Variants in KIAA0825 observed in about 807,000 individuals in gnomAD.
The protein encoded by KIAA0825 is uncharacterized protein KIAA0825.
Under a neutral mutation model 147.6 loss-of-function variants are expected in KIAA0825, and 119 were observed. That is an observed-to-expected ratio of 0.81 (90% CI 0.69 to 0.94). The LOEUF is 0.94. KIAA0825 is among the 40% of genes least tolerant of loss of function. KIAA0825 has a pLI of 0.00. For missense variants in KIAA0825, 1,381 were observed against 1,472.7 expected, an observed-to-expected ratio of 0.94 and a Z score of 1.02; for synonymous variants, 470 against 518.1, an observed-to-expected ratio of 0.91 and a Z score of 1.26.
chr5:94,182,930 C>T (rs912018705), intron 20 of KIAA0825, among the ~76,000 whole-genome samples: 3 of 152,134 alleles, frequency 2.0e-5, no homozygotes, highest in Non-Finnish European at 4.4e-5. Context: ...AGGTAGGGAA[C>T]AGGTTCTTAG....
chr5:94,485,402 A>C (rs1310349326), intron 5 of KIAA0825, among the ~76,000 whole-genome samples: 2 of 151,822 alleles, frequency 1.3e-5, no homozygotes, highest in Non-Finnish European at 3.0e-5. Flanking sequence ...AAATTAATAC[A>C]TAATCAGCAT....
intron 20 of KIAA0825, among the ~76,000 whole-genome samples, chr5:94,295,263 A>T (rs1216557987): frequency 1.3e-5 from 2 of 151,156 alleles, no homozygotes; most frequent in East Asian, 3.9e-4. Flanking sequence ...GTGTTTTTCA[A>T]CTCCATCAGG....
chr5:94,475,912 T>C (rs1451323642), intron 7 of KIAA0825, among the ~76,000 whole-genome samples: 1 of 152,190 alleles, frequency 6.6e-6, no homozygotes, highest in East Asian at 1.9e-4. Context: ...TTACTTCTAC[T>C]CTTCTCATCT....
intron 6 of KIAA0825, 58 bp downstream of exon 6, chr5:94,484,711 G>C (rs1390290714): frequency 8.4e-7 from 1 of 1,194,426 alleles, no homozygotes; most frequent in Non-Finnish European, 1.1e-6. Flanking sequence ...CAAAGCAGCA[G>C]GAAGCAAAAA....
chr5:94,595,381 C>T (rs1785099353), intron 1 of KIAA0825, among the ~76,000 whole-genome samples: 1 of 152,234 alleles, frequency 6.6e-6, no homozygotes, highest in Non-Finnish European at 1.5e-5. Flanking sequence ...ATTGCACCCT[C>T]TGAAGCAACG....
chr5:94,615,227 T>C (rs753426645), intron 1 of KIAA0825, among the ~76,000 whole-genome samples: 2 of 152,226 alleles, frequency 1.3e-5, no homozygotes, highest in Non-Finnish European at 2.9e-5. Flanking sequence ...AGAACTGCTA[T>C]ATTCAGATAA....
chr5:94,594,813 A>T, intron 1 of KIAA0825: 1 of 480,338 alleles, frequency 2.1e-6, no homozygotes, highest in South Asian at 1.8e-5. Context: ...ATTTAAAATG[A>T]GTGTTATCAT....
chr5:94,283,890 T>C (rs1387494015), intron 20 of KIAA0825, among the ~76,000 whole-genome samples: 1 of 152,128 alleles, frequency 6.6e-6, no homozygotes, highest in African/African-American at 2.4e-5. Flanking sequence ...AGGAATAATC[T>C]ACTGATTTTC....
intron 20 of KIAA0825, among the ~76,000 whole-genome samples, chr5:94,318,409 T>G (rs1779856410): frequency 6.6e-6 from 1 of 151,910 alleles, no homozygotes; most frequent in Non-Finnish European, 1.5e-5. Context: ...AAATACATTT[T>G]CTCATACAAA....
intron 5 of KIAA0825, among the ~76,000 whole-genome samples, chr5:94,485,932 C>A (rs1421990912): frequency 1.3e-5 from 2 of 151,714 alleles, no homozygotes; most frequent in South Asian, 4.2e-4. Context: ...AAGAACAATA[C>A]AACTTAAAGG....
At chr5:94,250,629 A>G (rs910739479) in intron 20 of KIAA0825, among the ~76,000 whole-genome samples, 2 of 152,142 alleles carry the variant, frequency 1.3e-5, no homozygotes, top group Non-Finnish European at 2.9e-5. Context: ...ATTTAATTGT[A>G]TCTTTTGAAT....
chr5:94,249,881 G>A (rs1775860660), intron 20 of KIAA0825, among the ~76,000 whole-genome samples: 1 of 150,652 alleles, frequency 6.6e-6, no homozygotes, highest in South Asian at 2.1e-4. Context: ...TTCCACAACA[G>A]GAGGACTTTA....
chr5:94,501,759 T>C (rs1390435058), intron 5 of KIAA0825, among the ~76,000 whole-genome samples: 1 of 152,224 alleles, frequency 6.6e-6, no homozygotes, highest in Non-Finnish European at 1.5e-5. Context: ...GGAGGGCAAT[T>C]TGAGTATATG....
intron 16 of KIAA0825, among the ~76,000 whole-genome samples, chr5:94,399,746 T>C (rs969354977): frequency 2.6e-5 from 4 of 152,132 alleles, no homozygotes; most frequent in Non-Finnish European, 5.9e-5. Flanking sequence ...GCAATATATG[T>C]ATATTGATGT....
At chr5:94,264,128 A>G (rs1461244150) in intron 20 of KIAA0825, among the ~76,000 whole-genome samples, 1 of 152,126 alleles carries the variant, frequency 6.6e-6, no homozygotes, top group Non-Finnish European at 1.5e-5. Context: ...CTCTTATTCA[A>G]TCTCATGAGT....
intron 13 of KIAA0825, among the ~76,000 whole-genome samples, chr5:94,448,216 C>T (rs1278348733): frequency 6.6e-6 from 1 of 150,756 alleles, no homozygotes; most frequent in East Asian, 1.9e-4. Flanking sequence ...TAGCCTATAC[C>T]ACTGCTAAGG....
chr5:94,220,975 T>C (rs1001795432), intron 20 of KIAA0825, among the ~76,000 whole-genome samples: 1 of 152,246 alleles, frequency 6.6e-6, no homozygotes, highest in East Asian at 1.9e-4. Flanking sequence ...CAGTAACCAC[T>C]GATTCATTTT....
chr5:94,554,436 C>T (rs1776142098), intron 2 of KIAA0825, among the ~76,000 whole-genome samples: 1 of 152,042 alleles, frequency 6.6e-6, no homozygotes, highest in South Asian at 2.1e-4. Flanking sequence ...CCGACCCGGT[C>T]ACCATTCTTA....
At position 94,473,358 on chromosome 5, in the gene KIAA0825, A is replaced by G. The variant is rs961603738; in HGVS notation, c.1389T>C (p.Asn463=). Reference sequence around the variant, plus strand: ...GGCTGTCTTGCCAAACTTGCTGGACATTTACAAGGTTCATAGCATAGCTCA... The same window carrying G: ...GGCTGTCTTGCCAAACTTGCTGGACGTTTACAAGGTTCATAGCATAGCTCA... ...SAVSYAMNLV[N]VQQVWQDSHM... Residue 463 remains asparagine, a synonymous_variant, in exon 8 of 21, where the codon AAT becomes AAC. Coordinates refer to ENST00000682413, the MANE Select transcript of KIAA0825 (RefSeq NM_001145678.3). The G allele has an allele frequency of 2.6e-6, 4 of 1,551,756 alleles. No homozygotes were observed. The African/African-American group carries it at 4.1e-5, about 16-fold the overall frequency.
Sources: allele counts gnomAD v4.1 joint callset (sites outside exome capture counted in the v4.1 genomes callset), GRCh38; gene constraint gnomAD v4.1.1; transcripts MANE v1.5; gene names NCBI Gene and HGNC (gene_info 2026-07-23, HGNC 2026-07-21).